The following SPATC1 variants were observed in gnomAD, a reference collection of about 807,000 sequenced individuals.
SPATC1 encodes the protein spermatogenesis and centriole associated 1.
SPATC1 carries 35 observed loss-of-function variants against 36.5 expected under a neutral mutation model. That is an observed-to-expected ratio of 0.96 (90% CI 0.73 to 1.27). The LOEUF is 1.27. SPATC1 is among the 50% of genes most tolerant of loss of function. The pLI, the probability that SPATC1 is intolerant of heterozygous loss-of-function variation, is 0.00. For synonymous variants in SPATC1, 361 were observed against 353.6 expected, an observed-to-expected ratio of 1.02 and a Z score of -0.24; for missense variants, 779 against 796.0, an observed-to-expected ratio of 0.98 and a Z score of 0.26.
chr8:144,013,061 A>C (rs1587481491), intron 1 of SPATC1, among the ~76,000 whole-genome samples: 1 of 151,956 alleles, frequency 6.6e-6, no homozygotes, highest in East Asian at 1.9e-4. Flanking sequence ...CCCTGAAAGG[A>C]CACCTCTGCT....
chr8:144,043,294 C>T (rs1200721906), intron 4 of SPATC1, among the ~76,000 whole-genome samples: 1 of 144,696 alleles, frequency 6.9e-6, no homozygotes, highest in Non-Finnish European at 1.5e-5. Context: ...GGTGCCCAGC[C>T]TTACATTTTT....
intron 1 of SPATC1, among the ~76,000 whole-genome samples, chr8:144,039,563 C>T (rs1011845918): frequency 3.9e-5 from 6 of 152,106 alleles, no homozygotes; most frequent in Admixed American, 1.3e-4. Flanking sequence ...GGGGTGGGCA[C>T]GGTTGAGGAA....
At chr8:144,038,315 C>T (rs1482984668) in intron 1 of SPATC1, among the ~76,000 whole-genome samples, 2 of 149,552 alleles carry the variant, frequency 1.3e-5, no homozygotes, top group East Asian at 4.1e-4. Context: ...CACCTGTAGT[C>T]CCAGCTACTC....
intron 4 of SPATC1, among the ~76,000 whole-genome samples, chr8:144,043,439 G>T (rs1554756385): frequency 1.3e-5 from 2 of 151,964 alleles, no homozygotes; most frequent in African/African-American, 4.8e-5. Flanking sequence ...ACACCACCAG[G>T]CCCGGCTAAT....
intron 1 of SPATC1, among the ~76,000 whole-genome samples, chr8:144,025,544 G>A (rs1326955943): frequency 6.6e-6 from 1 of 152,144 alleles, no homozygotes; most frequent in Non-Finnish European, 1.5e-5. Flanking sequence ...TTATCAAAAG[G>A]TTAAGAAATC....
chr8:144,047,022 C>A lies in SPATC1; in HGVS notation c.*66C>A. 6.6e-7 allele frequency: 1 copy of A among 1,524,950 alleles called. No homozygotes were observed. The highest frequency in any genetic ancestry group is 8.8e-7 in the Non-Finnish European group (1 of 1,136,848). 94.5% of individuals were successfully genotyped at this position (1,524,950 alleles called of 1,614,324 possible). On this transcript the variant is annotated 3_prime_UTR_variant, in exon 5 of 5. Coordinates refer to ENST00000377470, the MANE Select transcript of SPATC1 (RefSeq NM_198572.3). The surrounding 1 kb of genome is among the most constrained non-coding windows in gnomAD (Gnocchi z 4.1). ...CCTGTGCACGGCCATTAAAGCTTCC[C>A]ACAGACACTGGTCGCTGGGCCTGTG... is the stretch of plus-strand genomic sequence containing the variant.
intron 4 of SPATC1, among the ~76,000 whole-genome samples, chr8:144,042,847 C>T (rs1554756307): frequency 6.6e-6 from 1 of 151,776 alleles, no homozygotes; most frequent in Non-Finnish European, 1.5e-5. Context: ...CGGCCTTTCC[C>T]TATTGCAATT....
rs1333653200 is a variant in SPATC1, at chr8:144,046,028, G to A, written c.1447-599G>A. 6.6e-6 allele frequency among the ~76,000 whole-genome samples: 1 copy of A among 152,206 alleles called. No individual in the cohort carries two copies. Among genetic ancestry groups the A allele is most frequent in the African/African-American group, 2.4e-5 (1 of 41,460 alleles). On this transcript the variant is annotated intron_variant, in intron 4 of 4. Transcript: ENST00000377470. The surrounding 1 kb of genome is among the most constrained non-coding windows in gnomAD (Gnocchi z 6.6). ...CCTGGCCCTGGCCCCAGGCCCAGGA[G>A]GACGCAGATGGAGACAGGCCCCTCA...
rs563759869 is a variant in SPATC1 at position 144,040,737 on chromosome 8, C to T, written c.936C>T (p.Ala312=). 6.4e-5 allele frequency: 104 copies of T among 1,613,180 alleles called. No individual in the cohort carries two copies. Among genetic ancestry groups the T allele is most frequent in the East Asian group, 8.9e-5 (4 of 44,810 alleles). Residue 312 remains alanine, a synonymous_variant, in exon 3 of 5, where the codon GCC becomes GCT. Coordinates refer to ENST00000377470, the MANE Select transcript of SPATC1 (RefSeq NM_198572.3). The part of the protein sequence containing the change: ...NTSDTQAQPS[A]AQEQVVPASV... ...CGGACACACAGGCCCAGCCCAGTGC[C>T]GCCCAGGAACAAGTGGTCCCTGCAT...
chr8:144,036,833 G>A (rs1340465827), intron 1 of SPATC1, among the ~76,000 whole-genome samples: 17 of 151,892 alleles, frequency 1.1e-4, no homozygotes, highest in Non-Finnish European at 5.9e-5. Context: ...CAGGGAACAC[G>A]GGAATCGATT....
chr8:144,040,612 C>A lies in SPATC1; in HGVS notation c.811C>A (p.Pro271Thr). 6.2e-7 allele frequency: 1 copy of A among 1,610,844 alleles called. No homozygotes were observed. The highest frequency in any genetic ancestry group is 8.5e-7 in the Non-Finnish European group (1 of 1,178,320). The change falls in exon 3 of 5, where the codon CCT becomes ACT. Residue 271 changes from proline to threonine, a missense_variant. Transcript: ENST00000377470. The stretch of plus-strand genomic sequence containing the variant: ...CCCCCAGTCGACCCAGGACCCAGAG[C>A]CTCTCAGCATGGCGTTTGCAGGAGC... ...EPPQSTQDPE[P>T]LSMAFAGAPL...
chr8:144,027,763 C>T lies in SPATC1; in HGVS notation c.212-12146C>T, dbSNP rs933374880. 1.4e-4 allele frequency among the ~76,000 whole-genome samples: 22 copies of T among 152,280 alleles called. 1 individual carries two copies. The East Asian group carries it at 4.2e-3, about 29-fold the overall frequency. On this transcript the variant is annotated intron_variant, in intron 1 of 4. Transcript: ENST00000377470. ...ATCCCAGAAATTTGGGATGCCAAGA[C>T]AGGTGGATCACTTGAGGTCAGGAGT...
rs114176431 is a variant in SPATC1, at chr8:144,016,398, G to T, written c.211+3672G>T. ...GTGAATGTATGTGAGAGTGTATGTGGTATGTATGTGTTATGTGGGTGTTTG... is the reference window on the plus strand; with the variant it reads ...GTGAATGTATGTGAGAGTGTATGTGTTATGTATGTGTTATGTGGGTGTTTG... On this transcript the variant is annotated intron_variant, in intron 1 of 4. Transcript: ENST00000377470. The surrounding 1 kb of genome is among the most constrained non-coding windows in gnomAD (Gnocchi z 4.5). Among the ~76,000 whole-genome samples the T allele has an allele frequency of 0.034, 5,133 of 151,932 alleles. 313 individuals are homozygous for T. The highest frequency in any genetic ancestry group is 0.12 in the African/African-American group (4,842 of 41,408).
chr8:144,043,657 C>T (rs1032493658), intron 4 of SPATC1, among the ~76,000 whole-genome samples: 17 of 151,032 alleles, frequency 1.1e-4, no homozygotes, highest in Non-Finnish European at 2.1e-4. Flanking sequence ...ATTCCAGGTA[C>T]GAGCCACTGC....
intron 1 of SPATC1, among the ~76,000 whole-genome samples, chr8:144,028,445 T>C (rs1285262487): frequency 2.6e-5 from 4 of 151,232 alleles, no homozygotes; most frequent in Non-Finnish European, 4.4e-5. Context: ...AACGAACATA[T>C]GAAAAAAAGC....
chr8:144,012,506 GCC>G lies in SPATC1; in HGVS notation c.-7_-6del. On this transcript the variant is annotated 5_prime_UTR_variant, in exon 1 of 5. Coordinates refer to ENST00000377470, the MANE Select transcript of SPATC1 (RefSeq NM_198572.3). Reference sequence around the variant, plus strand: ...TCCCGTGGGCCGCACCCTTGCCACTGCCCCAGGGCATGTCTCTACTCACCAAT... The same window carrying G: ...TCCCGTGGGCCGCACCCTTGCCACTGCCAGGGCATGTCTCTACTCACCAAT... 2.6e-6 allele frequency: 4 copies of G among 1,551,662 alleles called. No individual in the cohort carries two copies. The highest frequency in any genetic ancestry group is 3.5e-6 in the Non-Finnish European group (4 of 1,146,938).
intron 1 of SPATC1, among the ~76,000 whole-genome samples, chr8:144,030,765 CCTA>C (rs1422168477): frequency 6.6e-6 from 1 of 152,042 alleles, no homozygotes. Context: ...GATTCCTTCT[CCTA>C]CTTTTTTTTT....
intron 4 of SPATC1, chr8:144,042,089 C>A: frequency 1.2e-6 from 1 of 832,812 alleles, no homozygotes; most frequent in Non-Finnish European, 1.4e-6. Flanking sequence ...AAAGAGTACA[C>A]AACAGTGTAT....
chr8:144,015,038 T>TAA (rs143267307), intron 1 of SPATC1, among the ~76,000 whole-genome samples: 5,178 of 148,788 alleles, frequency 0.035, 310 homozygotes, highest in African/African-American at 0.13. Flanking sequence ...TTTAAATATT[T>TAA]AAAATTTTTT....
Sources: allele counts gnomAD v4.1 joint callset (sites outside exome capture counted in the v4.1 genomes callset), GRCh38; gene constraint gnomAD v4.1.1; non-coding constraint Gnocchi (gnomAD v3.1); transcripts MANE v1.5; gene names NCBI Gene and HGNC (gene_info 2026-07-23, HGNC 2026-07-21).